The following GAS7 variants were observed in gnomAD, a reference collection of about 807,000 sequenced individuals.
GAS7 encodes the protein growth arrest-specific protein 7.
In GAS7, 28 loss-of-function variants were observed where a neutral mutation model predicts 71.1. The ratio of observed to expected loss-of-function variants is 0.39; its 90% confidence interval spans 0.29 to 0.54. GAS7 has a LOEUF of 0.54. Ranked by LOEUF, GAS7 falls within the 20% of genes least tolerant of loss-of-function variation. GAS7 has a pLI of 0.62. For missense variants in GAS7, 436 were observed against 627.8 expected, an observed-to-expected ratio of 0.69 and a Z score of 3.27; for synonymous variants, 258 against 245.8, an observed-to-expected ratio of 1.05 and a Z score of -0.46.
chr17:10,075,139 C>T lies in GAS7; in HGVS notation c.184-55242G>A, dbSNP rs528213633. On this transcript the variant is annotated intron_variant, in intron 1 of 13. Coordinates refer to ENST00000432992, the MANE Select transcript of GAS7 (RefSeq NM_201433.2). ...TTAGGAGGCTGAGGTGGGCAAATCA[C>T]GAGGTCAGGAGTTTGAGACCAGCCT... Among the ~76,000 whole-genome samples, 21 of 152,014 alleles carry T rather than the reference C, an allele frequency of 1.4e-4. No homozygotes were observed. In the South Asian group the frequency reaches 4.4e-3, roughly 32 times the overall value.
At chr17:10,168,464 T>A (rs2074311256) in intron 1 of GAS7, among the ~76,000 whole-genome samples, 2 of 152,150 alleles carry the variant, frequency 1.3e-5, no homozygotes, top group South Asian at 4.1e-4. Context: ...TTTTAAGATA[T>A]TTCTTTCCTA....
At chr17:10,168,889 G>C (rs2142128599) in intron 1 of GAS7, among the ~76,000 whole-genome samples, 1 of 150,392 alleles carries the variant, frequency 6.6e-6, no homozygotes, top group East Asian at 2.0e-4. Context: ...AGAATCACTT[G>C]AACATGGGAG....
chr17:10,180,015 T>C (rs1567622710), intron 1 of GAS7, among the ~76,000 whole-genome samples: 1 of 152,166 alleles, frequency 6.6e-6, no homozygotes, highest in Non-Finnish European at 1.5e-5. Flanking sequence ...AACAATCCTC[T>C]GATGTGGGCC....
chr17:10,092,859 T>C (rs2073598712), intron 1 of GAS7, among the ~76,000 whole-genome samples: 1 of 152,186 alleles, frequency 6.6e-6, no homozygotes, highest in Admixed American at 6.6e-5. Context: ...CCTCTGTATG[T>C]GTTGGCAAAA....
chr17:10,013,102 C>CA (rs1207550210), intron 2 of GAS7, among the ~76,000 whole-genome samples: 1,021 of 96,684 alleles, frequency 0.011, 13 homozygotes, highest in African/African-American at 0.022. Context: ...GACTCTGTCT[C>CA]AAAAAAAAAA....
chr17:10,149,945 G>A (rs1450747074), intron 1 of GAS7, among the ~76,000 whole-genome samples: 1 of 152,146 alleles, frequency 6.6e-6, no homozygotes, highest in Non-Finnish European at 1.5e-5. Flanking sequence ...GTTGTTAGGG[G>A]TAAGGAGATG....
intron 1 of GAS7, among the ~76,000 whole-genome samples, chr17:10,191,491 G>A (rs1423628040): frequency 6.7e-6 from 1 of 149,378 alleles, no homozygotes; most frequent in Non-Finnish European, 1.5e-5. Flanking sequence ...AGGAGGTCAA[G>A]GCAGCAGTGA....
chr17:9,921,921 T>C (rs991746230), intron 11 of GAS7, among the ~76,000 whole-genome samples: 5 of 142,088 alleles, frequency 3.5e-5, no homozygotes, highest in African/African-American at 5.4e-5. Context: ...ATCGCACCAC[T>C]GCACTCCAGC....
chr17:9,918,131 A>G (rs1053614509), intron 12 of GAS7, 32 bp from the exon 13 acceptor site: 19 of 1,524,130 alleles, frequency 1.2e-5, no homozygotes, highest in Non-Finnish European at 1.5e-5. Flanking sequence ...GAGAACTCTG[A>G]GCACGTCCCC....
chr17:9,945,197 T>A (rs887401684), intron 6 of GAS7, among the ~76,000 whole-genome samples: 3 of 152,082 alleles, frequency 2.0e-5, no homozygotes, highest in Admixed American at 2.0e-4. Context: ...TCTTGAGAGA[T>A]GATGTTTCCA....
intron 5 of GAS7, 149 bp from the exon 6 acceptor site, chr17:9,947,132 C>A: frequency 1.7e-6 from 1 of 575,244 alleles, no homozygotes; most frequent in Admixed American, 2.9e-5. Flanking sequence ...GCCAGCATTT[C>A]ACATGAGCGG....
At chr17:10,076,555 A>G (rs1295657919) in intron 1 of GAS7, among the ~76,000 whole-genome samples, 2 of 152,136 alleles carry the variant, frequency 1.3e-5, no homozygotes, top group Admixed American at 6.5e-5. Context: ...ATAATTGTCT[A>G]CCCCTCCAAT....
chr17:10,151,679 G>A (rs1174468226), intron 1 of GAS7, among the ~76,000 whole-genome samples: 1 of 152,004 alleles, frequency 6.6e-6, no homozygotes, highest in Admixed American at 6.6e-5. Context: ...TGAATAGCTA[G>A]GGCTACAGGT....
At chr17:10,070,350 T>TC (rs1196239866) in intron 1 of GAS7, among the ~76,000 whole-genome samples, 2 of 144,008 alleles carry the variant, frequency 1.4e-5, no homozygotes, top group East Asian at 4.6e-4. Flanking sequence ...TCTTTTTTTT[T>TC]TTTTTTTTTT....
At chr17:10,066,474 C>A (rs1359883808) in intron 1 of GAS7, among the ~76,000 whole-genome samples, 2 of 152,156 alleles carry the variant, frequency 1.3e-5, no homozygotes, top group Non-Finnish European at 2.9e-5. Context: ...GCCACCACAC[C>A]CAGCCTGGCC....
At chr17:9,940,634 C>T (rs2068569709) in intron 7 of GAS7, among the ~76,000 whole-genome samples, 2 of 152,198 alleles carry the variant, frequency 1.3e-5, no homozygotes, top group African/African-American at 4.8e-5. Flanking sequence ...GGCCTCGGAC[C>T]CTCAGCAGCA....
intron 1 of GAS7, among the ~76,000 whole-genome samples, chr17:10,032,594 C>T (rs1158224099): frequency 2.0e-5 from 3 of 152,140 alleles, no homozygotes; most frequent in African/African-American, 4.8e-5. Flanking sequence ...ATGCATGGGA[C>T]GGCTTTTGTA....
intron 2 of GAS7, among the ~76,000 whole-genome samples, chr17:10,011,453 C>T (rs1003178474): frequency 2.6e-5 from 4 of 152,130 alleles, no homozygotes; most frequent in African/African-American, 9.7e-5. Context: ...CTACTCCAGG[C>T]TACGGCTCCT....
In GAS7 at chr17:9,951,713, C is replaced by T. The variant is rs140654908; in HGVS notation, c.526-4730G>A. 1.0e-4 allele frequency among the ~76,000 whole-genome samples: 14 copies of T among 133,578 alleles called. No individual in the cohort carries two copies. The East Asian group carries it at 1.1e-3, about 11-fold the overall frequency. The allele number at this position is 133,578 out of a possible 152,430, so 87.6% of individuals were successfully genotyped here. On this transcript the variant is annotated intron_variant, in intron 5 of 13. Coordinates refer to ENST00000432992, the MANE Select transcript of GAS7 (RefSeq NM_201433.2). ...TGGCGGTTGCGGTGAGCCAAGATTG[C>T]GCCATTGCATCATTCCAGCCTGGGC...
Sources: gnomAD v4.1 joint callset for allele counts (sites outside exome capture counted in the v4.1 genomes callset) on GRCh38, gnomAD v4.1.1 for gene constraint, MANE v1.5 for transcripts, NCBI Gene and HGNC (gene_info 2026-07-23, HGNC 2026-07-21) for gene names.